TANC1: variants seen among roughly 807,000 people sequenced by gnomAD.
TANC1 encodes the protein tetratricopeptide repeat, ankyrin repeat and coiled-coil containing 1.
A neutral mutation model predicts 149.7 loss-of-function variants in TANC1; 77 were observed. The ratio of observed to expected loss-of-function variants is 0.51; its 90% CI spans 0.43 to 0.62. The LOEUF (loss-of-function observed/expected upper bound fraction) is 0.62, where lower values mean the gene tolerates loss of function less well. Ranked by LOEUF, TANC1 falls within the 20% of genes least tolerant of loss-of-function variation. The pLI, the probability that TANC1 is intolerant of heterozygous loss-of-function variation, is 0.00. For missense variants in TANC1, 1,985 were observed against 2,321.8 expected (o/e 0.85, Z 2.98); for synonymous variants, 854 against 925.0 (o/e 0.92, Z 1.39).
intron 2 of TANC1, among the ~76,000 whole-genome samples, chr2:159,054,634 C>A (rs2149612036): frequency 6.6e-6 from 1 of 152,260 alleles, no homozygotes; most frequent in Non-Finnish European, 1.5e-5. Context: ...CACTTTGAGG[C>A]CAGATCCAGT....
intron 2 of TANC1, among the ~76,000 whole-genome samples, chr2:159,003,481 A>C (rs1037556348): frequency 1.3e-5 from 2 of 152,210 alleles, no homozygotes; most frequent in Non-Finnish European, 2.9e-5. Context: ...AGGCACTCTA[A>C]TAAAGGAACT....
chr2:159,178,512 A>C (rs2150537274), intron 13 of TANC1, 44 bp from the exon 14 acceptor site: 1 of 1,510,282 alleles, frequency 6.6e-7, no homozygotes, highest in East Asian at 2.3e-5. Flanking sequence ...ATAAAAAAGG[A>C]ATCTCTTTAG....
chr2:159,114,840 G>A (rs527753020), intron 4 of TANC1, among the ~76,000 whole-genome samples: 3 of 152,312 alleles, frequency 2.0e-5, no homozygotes, highest in African/African-American at 7.2e-5. Context: ...TTCATTGTAA[G>A]AGGACATTGT....
Position 158,969,574 on chromosome 2 carries a change from G to A in TANC1, c.-126+792G>A, listed in dbSNP as rs573545606. On this transcript the variant is annotated intron_variant, in intron 1 of 26. Transcript: ENST00000263635. ...CACTGGCTTCCTGGAGGACTTTGGG[G>A]TGCGGGCGCGCAGCGCTGTGGGTGT... Among the ~76,000 whole-genome samples the A allele has an allele frequency of 3.3e-5, 5 of 152,346 alleles. No individual in the cohort carries two copies. The East Asian group carries it at 9.7e-4, about 29-fold the overall frequency.
At chr2:159,169,187 G>A in intron 8 of TANC1, 63 bp from the exon 9 acceptor site, 6 of 1,354,928 alleles carry the variant, frequency 4.4e-6, no homozygotes, top group Non-Finnish European at 6.3e-6. Context: ...ATAAGTTATA[G>A]TCACTTAGGT....
At chr2:159,195,546 T>C (rs2057779860) in intron 17 of TANC1, among the ~76,000 whole-genome samples, 1 of 152,262 alleles carries the variant, frequency 6.6e-6, no homozygotes, top group East Asian at 1.9e-4. Context: ...CTGCTAATTA[T>C]CTTTTGTCTT....
chr2:159,165,176 G>T (rs1433482686), intron 8 of TANC1, among the ~76,000 whole-genome samples: 2 of 152,210 alleles, frequency 1.3e-5, no homozygotes, highest in East Asian at 1.9e-4. Flanking sequence ...CCCATTTGGG[G>T]TTGTTTTCTG....
At chr2:159,052,404 C>A in intron 2 of TANC1, among the ~76,000 whole-genome samples, 1 of 152,104 alleles carries the variant, frequency 6.6e-6, no homozygotes, top group East Asian at 1.9e-4. Flanking sequence ...GTGTATGTGA[C>A]ATACTCGCTC....
At chr2:159,107,391 G>A (rs2047288562) in intron 4 of TANC1, among the ~76,000 whole-genome samples, 1 of 152,166 alleles carries the variant, frequency 6.6e-6, no homozygotes, top group African/African-American at 2.4e-5. Flanking sequence ...TTATTAGTCT[G>A]TCTTTTTGAT....
intron 19 of TANC1, among the ~76,000 whole-genome samples, chr2:159,206,322 G>A (rs1169277173): frequency 1.3e-5 from 2 of 152,156 alleles, no homozygotes; most frequent in Non-Finnish European, 2.9e-5. Flanking sequence ...AGAACTGAGG[G>A]GGCTGGGTTT....
chr2:159,211,317 T>TA (rs1319206300), intron 19 of TANC1, among the ~76,000 whole-genome samples: 2 of 152,392 alleles, frequency 1.3e-5, no homozygotes, highest in African/African-American at 4.8e-5. Context: ...GAAGAAATTG[T>TA]GTCCAATTTG....
intron 1 of TANC1, among the ~76,000 whole-genome samples, chr2:158,991,327 AT>A (rs1263382455): frequency 6.6e-6 from 1 of 152,154 alleles, no homozygotes; most frequent in Non-Finnish European, 1.5e-5. Context: ...GATTAAGTAA[AT>A]TTTGGTACAT....
At chr2:159,194,704 G>C (rs984844708) in intron 17 of TANC1, among the ~76,000 whole-genome samples, 8 of 152,262 alleles carry the variant, frequency 5.3e-5, no homozygotes, top group Non-Finnish European at 1.2e-4. Context: ...ATGTTGTCCA[G>C]GGGAAGGCAG....
rs377095829 is a variant in TANC1, at chr2:158,979,511, GA to G, written c.-126+10740del. Among the ~76,000 whole-genome samples the G allele has an allele frequency of 2.5e-3, 359 of 142,938 alleles. 3 individuals are homozygous for G. Among genetic ancestry groups the G allele is most frequent in the African/African-American group, 6.5e-3 (253 of 39,046 alleles). The allele number at this position is 142,938 out of a possible 152,430, so 93.8% of individuals were successfully genotyped here. On this transcript the variant is annotated intron_variant, in intron 1 of 26. Coordinates refer to ENST00000263635, the MANE Select transcript of TANC1 (RefSeq NM_033394.3). Reference sequence around the variant, plus strand: ...CTTATCTCAAAAAAAAAAGAAAAAAGAAAAAAAAAAACTTACCGTTTTCATA... The same window carrying G: ...CTTATCTCAAAAAAAAAAGAAAAAAGAAAAAAAAAACTTACCGTTTTCATA...
chr2:159,087,897 A>G (rs1319951983), intron 3 of TANC1, among the ~76,000 whole-genome samples: 1 of 149,238 alleles, frequency 6.7e-6, no homozygotes, highest in Non-Finnish European at 1.5e-5. Flanking sequence ...CTTAGGAGAC[A>G]CAGACACAGA....
At chr2:159,088,646 A>G (rs1311839610) in intron 3 of TANC1, among the ~76,000 whole-genome samples, 1 of 152,212 alleles carries the variant, frequency 6.6e-6, no homozygotes, top group Non-Finnish European at 1.5e-5. Context: ...GCGGCCCAAC[A>G]AAAATTTGTA....
At chr2:159,089,336 A>G (rs1275652570) in intron 3 of TANC1, among the ~76,000 whole-genome samples, 3 of 152,126 alleles carry the variant, frequency 2.0e-5, no homozygotes, top group African/African-American at 7.2e-5. Flanking sequence ...GGGTATTGGG[A>G]GAGGCCTTGC....
At chr2:159,110,910 G>A (rs1035069503) in intron 4 of TANC1, among the ~76,000 whole-genome samples, 12 of 152,156 alleles carry the variant, frequency 7.9e-5, no homozygotes, top group African/African-American at 2.7e-4. Flanking sequence ...GCCCTCCTTC[G>A]GGGCTTTGTT....
intron 4 of TANC1, among the ~76,000 whole-genome samples, chr2:159,131,008 T>C (rs1434936540): frequency 7.8e-6 from 1 of 128,406 alleles, no homozygotes; most frequent in African/African-American, 2.8e-5. Context: ...GTCAGGGATC[T>C]ACCTTTCTTG....
Sources: gnomAD v4.1 joint callset for allele counts (sites outside exome capture counted in the v4.1 genomes callset) on GRCh38, gnomAD v4.1.1 for gene constraint, MANE v1.5 for transcripts, NCBI Gene and HGNC (gene_info 2026-07-23, HGNC 2026-07-21) for gene names.